MMP24: variants seen among roughly 807,000 people sequenced by gnomAD.
The protein encoded by MMP24 is matrix metallopeptidase 24.
Under a neutral mutation model 62.8 loss-of-function variants are expected in MMP24, and 25 were observed. The observed-to-expected ratio is 0.40, with a 90% CI of 0.29 to 0.56. The LOEUF (loss-of-function observed/expected upper bound fraction) is 0.56, where lower values mean the gene tolerates loss of function less well. Among genes scored for constraint, MMP24 ranks in the 20% least tolerant of loss-of-function variants. The probability of loss-of-function intolerance (pLI) is 0.50; values close to 1 mark genes in which losing one functional copy is unlikely to be tolerated. For synonymous variants in MMP24, 319 were observed against 350.5 expected, an observed-to-expected ratio of 0.91 and a Z score of 1.00; for missense variants, 634 against 853.6, an observed-to-expected ratio of 0.74 and a Z score of 3.21.
intron 2 of MMP24, among the ~76,000 whole-genome samples, chr20:35,247,620 C>A (rs1222656584): frequency 2.0e-5 from 3 of 152,174 alleles, no homozygotes; most frequent in Non-Finnish European, 4.4e-5. Flanking sequence ...GGGCAGGGTG[C>A]TGGGGATGGA....
intron 1 of MMP24, among the ~76,000 whole-genome samples, chr20:35,240,755 T>C (rs2060484986): frequency 6.6e-6 from 1 of 152,336 alleles, no homozygotes; most frequent in East Asian, 1.9e-4. Context: ...CCTTCCTTGA[T>C]ATCCAGGCAG....
rs777650805 is a variant in MMP24, at chr20:35,269,848, G to A, written c.1283G>A (p.Arg428His). 1.2e-5 allele frequency: 19 copies of A among 1,554,080 alleles called. No homozygotes were observed. Among genetic ancestry groups the A allele is most frequent in the Admixed American group, 2.0e-5 (1 of 51,158 alleles). The change falls in exon 7 of 9, where the codon CGC becomes CAC. Residue 428 changes from arginine to histidine, a missense_variant. By Grantham distance (29) the Arg-to-His change is conservative (BLOSUM62 0). Coordinates refer to ENST00000246186, the MANE Select transcript of MMP24 (RefSeq NM_006690.4). This position sits in a 1 kb window ranked among gnomAD's most constrained non-coding sequence, Gnocchi z 4.6. ...CAGTTCTGGAAGGGCCTGCCTGCCC[G>A]CATCGACGCAGCCTATGAAAGGGCC... Reference protein sequence around the residue: ...IEQFWKGLPARIDAAYERADG... With the variant: ...IEQFWKGLPAHIDAAYERADG...
chr20:35,242,222 C>T (rs902103151), intron 1 of MMP24, among the ~76,000 whole-genome samples: 2 of 152,086 alleles, frequency 1.3e-5, no homozygotes, highest in Admixed American at 6.6e-5. Context: ...ATCCCAGCTA[C>T]TTGGGAGGCT....
chr20:35,273,938 AG>A (rs927814585), intron 8 of MMP24, among the ~76,000 whole-genome samples: 11 of 152,156 alleles, frequency 7.2e-5, no homozygotes, highest in African/African-American at 2.7e-4. Context: ...GAGCGGGGCA[AG>A]GGGGACCTGT....
chr20:35,248,898 C>T (rs1164992584), intron 2 of MMP24, among the ~76,000 whole-genome samples: 2 of 152,212 alleles, frequency 1.3e-5, no homozygotes, highest in Admixed American at 6.5e-5. Context: ...TCTGCTGCGG[C>T]ACCACCTGGC....
chr20:35,270,036 T>C, intron 7 of MMP24, 138 bp downstream of exon 7: 1 of 1,134,878 alleles, frequency 8.8e-7, no homozygotes, highest in Non-Finnish European at 1.2e-6. Flanking sequence ...CACTGACCTC[T>C]GACAAATCAA....
chr20:35,246,158 G>A (rs371569043), intron 1 of MMP24, among the ~76,000 whole-genome samples: 1 of 151,884 alleles, frequency 6.6e-6, no homozygotes, highest in East Asian at 1.9e-4. Context: ...TCTGCATCAC[G>A]GAATCAGCCG....
intron 2 of MMP24, among the ~76,000 whole-genome samples, chr20:35,250,388 T>C (rs963864448): frequency 2.6e-5 from 4 of 152,034 alleles, no homozygotes; most frequent in Admixed American, 2.0e-4. Context: ...AGTGAAACCC[T>C]GTCTGTACTA....
At chr20:35,242,611 G>GTAATT (rs1278638939) in intron 1 of MMP24, among the ~76,000 whole-genome samples, 3 of 152,152 alleles carry the variant, frequency 2.0e-5, no homozygotes, top group Non-Finnish European at 4.4e-5. Flanking sequence ...TCAAGCTAAA[G>GTAATT]CCTAATAGAA....
chr20:35,256,286 C>T (rs901773859), intron 4 of MMP24: 1 of 152,066 alleles, frequency 6.6e-6, no homozygotes, highest in African/African-American at 2.4e-5. Context: ...ACCTAAGGTC[C>T]CACAGTTGGT....
intron 5 of MMP24, among the ~76,000 whole-genome samples, chr20:35,264,553 A>G (rs1018236373): frequency 6.6e-6 from 1 of 151,548 alleles, no homozygotes; most frequent in Non-Finnish European, 1.5e-5. Context: ...CAAACAAACA[A>G]AAAAATTAGC....
intron 1 of MMP24, among the ~76,000 whole-genome samples, chr20:35,233,092 T>G (rs1195306560): frequency 6.6e-6 from 1 of 152,142 alleles, no homozygotes; most frequent in African/African-American, 2.4e-5. Context: ...CACAAACACT[T>G]ACGAGGCATA....
chr20:35,231,003 T>C (rs1052608047), intron 1 of MMP24, among the ~76,000 whole-genome samples: 3 of 152,196 alleles, frequency 2.0e-5, no homozygotes, highest in Non-Finnish European at 2.9e-5. Context: ...ATGCTTTCTT[T>C]AGTCTTTCTT....
At position 35,275,854 on chromosome 20, in the gene MMP24, G is replaced by A. The variant is rs890087677; in HGVS notation, c.*1245G>A. On this transcript the variant is annotated 3_prime_UTR_variant, in exon 9 of 9. Transcript: ENST00000246186. ...TAGAAGGACACCCCTACCGGTAGCA[G>A]CCCCAAGCTGAGGGGGCTCCCTTTT... 4 of 396,814 alleles carry A rather than the reference G, an allele frequency of 1.0e-5. No homozygotes were observed. The highest frequency in any genetic ancestry group is 8.2e-5 in the African/African-American group (4 of 48,608). The allele number at this position is 396,814 out of a possible 1,614,324, so 24.6% of individuals were successfully genotyped here.
Position 35,274,795 on chromosome 20 carries a change from C to T in MMP24, c.*186C>T, listed in dbSNP as rs2060694543. The stretch of plus-strand genomic sequence containing the variant: ...GGCAGGGAATTATGGGGGCTGTGCC[C>T]CAGGGTGGGTGTCTGGCACCCAGCT... On this transcript the variant is annotated 3_prime_UTR_variant, in exon 9 of 9. Transcript: ENST00000246186. The surrounding 1 kb of genome is among the most constrained non-coding windows in gnomAD (Gnocchi z 5.1). 6 of 618,774 alleles carry T rather than the reference C, an allele frequency of 9.7e-6. No homozygotes were observed. Among genetic ancestry groups the T allele is most frequent in the South Asian group, 6.1e-5 (3 of 49,074 alleles). The allele number at this position is 618,774 out of a possible 1,614,324, so 38.3% of individuals were successfully genotyped here. A position where few individuals can be genotyped will look rare whatever the true frequency, so the allele number is the denominator to read the frequency against.
rs538836643 is a variant in MMP24 at position 35,254,717 on chromosome 20, C to T, written c.780C>T (p.Ser260=). The T allele has an allele frequency of 2.6e-5, 42 of 1,614,076 alleles. 1 individual carries two copies. Among genetic ancestry groups the T allele is most frequent in the Middle Eastern group, 1.6e-4 (1 of 6,062 alleles). ...TTGGAGGAGACACCCACTTTGACTC[C>T]GATGAGCCATGGACGCTAGGAAATG... ...PGIGGDTHFD[S]DEPWTLGNAN... The change falls in exon 4 of 9, where the codon TCC becomes TCT. Residue 260 remains serine, a synonymous_variant. Transcript: ENST00000246186.
In MMP24 at chr20:35,269,147, A is replaced by G. The variant is rs911287802; in HGVS notation, c.1195-613A>G. Among the ~76,000 whole-genome samples, 3 of 152,162 alleles carry G rather than the reference A, an allele frequency of 2.0e-5. No individual in the cohort carries two copies. Among genetic ancestry groups the G allele is most frequent in the Non-Finnish European group, 4.4e-5 (3 of 68,036 alleles). On this transcript the variant is annotated intron_variant, in intron 6 of 8. Transcript: ENST00000246186. This position sits in a 1 kb window ranked among gnomAD's most constrained non-coding sequence, Gnocchi z 4.6. ...GAGGCGTTTTTACTGGACTCGGACT[A>G]TTTAGCTGCCATTTACTCAACATGG...
rs2060416140 is a variant in MMP24, at chr20:35,226,959, A to T, written c.221A>T (p.Glu74Val). 1 of 977,288 alleles carries T rather than the reference A, an allele frequency of 1.0e-6. No individual in the cohort carries two copies. Among genetic ancestry groups the T allele is most frequent in the South Asian group, 4.6e-5 (1 of 21,962 alleles). The allele number at this position is 977,288 out of a possible 1,614,324, so 60.5% of individuals were successfully genotyped here. ...GCGGTGGCGGTGGCGCGGGCGGACGAGGCGGAGGCGCCCTTCGCCGGGCAG... is the reference window on the plus strand; with the variant it reads ...GCGGTGGCGGTGGCGCGGGCGGACGTGGCGGAGGCGCCCTTCGCCGGGCAG... ...AVAVAVARAD[E>V]AEAPFAGQNW... is the part of the protein sequence containing the mutation. Residue 74 changes from glutamate to valine, a missense_variant, in exon 1 of 9, where the codon GAG becomes GTG. Physicochemically the swap from Glu to Val is moderately radical, Grantham distance 121. Transcript: ENST00000246186.
chr20:35,238,729 C>G (rs1425162410), intron 1 of MMP24, among the ~76,000 whole-genome samples: 1 of 152,188 alleles, frequency 6.6e-6, no homozygotes, highest in Non-Finnish European at 1.5e-5. Flanking sequence ...CTTCAGATCT[C>G]TTGCTCAAAT....
Sources: allele counts gnomAD v4.1 joint callset (sites outside exome capture counted in the v4.1 genomes callset), GRCh38; gene constraint gnomAD v4.1.1; non-coding constraint Gnocchi (gnomAD v3.1); transcripts MANE v1.5; gene names NCBI Gene and HGNC (gene_info 2026-07-23, HGNC 2026-07-21).